The following FMNL2 variants were observed in gnomAD, a reference collection of about 807,000 sequenced individuals.
FMNL2 encodes formin-like protein 2.
A neutral mutation model predicts 130.2 loss-of-function variants in FMNL2; 51 were observed. The ratio of observed to expected loss-of-function variants is 0.39; its 90% confidence interval spans 0.31 to 0.49. The LOEUF is 0.49. FMNL2 is among the 20% of genes least tolerant of loss of function. The probability of loss-of-function intolerance (pLI) is 0.85; values close to 1 mark genes in which losing one functional copy is unlikely to be tolerated. For synonymous variants in FMNL2, 465 were observed against 467.1 expected, an observed-to-expected ratio of 1.00 and a Z score of 0.06; for missense variants, 977 against 1,316.2, an observed-to-expected ratio of 0.74 and a Z score of 3.99.
chr2:152,645,060 C>G (rs1334199574), intron 25 of FMNL2, among the ~76,000 whole-genome samples: 1 of 152,224 alleles, frequency 6.6e-6, no homozygotes, highest in Non-Finnish European at 1.5e-5. Flanking sequence ...GTATGTTCTT[C>G]TATCTCTGAT....
At chr2:152,623,404 G>A (rs1681504671) in intron 15 of FMNL2, among the ~76,000 whole-genome samples, 1 of 152,230 alleles carries the variant, frequency 6.6e-6, no homozygotes, top group Non-Finnish European at 1.5e-5. Context: ...ATCTGACACT[G>A]TGGCGTAGTG....
At chr2:152,446,739 G>A (rs1291449993) in intron 1 of FMNL2, among the ~76,000 whole-genome samples, 28 of 152,178 alleles carry the variant, frequency 1.8e-4, no homozygotes, top group Admixed American at 1.8e-3. Flanking sequence ...AGAATCTGCA[G>A]ATATGCAAAG....
chr2:152,363,561 TC>T (rs1298957510), intron 1 of FMNL2, among the ~76,000 whole-genome samples: 1 of 145,610 alleles, frequency 6.9e-6, no homozygotes, highest in African/African-American at 2.5e-5. Flanking sequence ...TTTTTTCTTT[TC>T]TTTTTTTTTT....
intron 1 of FMNL2, among the ~76,000 whole-genome samples, chr2:152,337,972 G>C (rs1310961239): frequency 6.6e-6 from 1 of 150,914 alleles, no homozygotes; most frequent in Non-Finnish European, 1.5e-5. Context: ...AAACCTTCCA[G>C]ATCATCTCCG....
intron 8 of FMNL2, 36 bp from the exon 9 acceptor site, chr2:152,580,920 C>T: frequency 1.3e-6 from 2 of 1,583,516 alleles, no homozygotes; most frequent in South Asian, 1.1e-5. Flanking sequence ...ATGCCATTTT[C>T]ACTGATTTGT....
At chr2:152,345,802 C>T (rs1662416763) in intron 1 of FMNL2, among the ~76,000 whole-genome samples, 1 of 152,154 alleles carries the variant, frequency 6.6e-6, no homozygotes, top group South Asian at 2.1e-4. Context: ...CTGGAGAAGC[C>T]ATTTAGAACT....
chr2:152,557,210 T>C (rs893300554), intron 4 of FMNL2, among the ~76,000 whole-genome samples: 3 of 152,170 alleles, frequency 2.0e-5, no homozygotes, highest in Non-Finnish European at 2.9e-5. Flanking sequence ...TGCTGTGAGA[T>C]TGTGTATGTG....
chr2:152,490,388 C>T (rs1012733576), intron 1 of FMNL2, among the ~76,000 whole-genome samples: 1 of 152,046 alleles, frequency 6.6e-6, no homozygotes, highest in Non-Finnish European at 1.5e-5. Flanking sequence ...GCATCATTCT[C>T]GGGCAGAGTC....
intron 1 of FMNL2, among the ~76,000 whole-genome samples, chr2:152,374,009 AAAG>A (rs1224037025): frequency 6.6e-6 from 1 of 152,162 alleles, no homozygotes; most frequent in East Asian, 1.9e-4. Flanking sequence ...GGGCAGAGGA[AAAG>A]AATATTTGAA....
chr2:152,390,064 C>T lies in FMNL2; in HGVS notation c.117+54344C>T, dbSNP rs1362433170. 2.5e-6 allele frequency: 4 copies of T among 1,575,448 alleles called. No homozygotes were observed. The East Asian group carries it at 9.0e-5, about 35-fold the overall frequency. ...CAGCTCAAGAACGGCAGCCTTGACT[C>T]CCCAGGAAAGCAGGAGAAGAAGGAG... On this transcript the variant is annotated intron_variant, in intron 1 of 25. Coordinates refer to ENST00000288670, the MANE Select transcript of FMNL2 (RefSeq NM_052905.4).
chr2:152,579,728 TA>T lies in FMNL2; in HGVS notation c.782+768del, dbSNP rs75923813. On this transcript the variant is annotated intron_variant, in intron 8 of 25. Transcript: ENST00000288670. ...ATAAAGAAAGAAAGAAATAGAAAAA[TA>T]AAATTGTATATGCAGATTTCCTTTC... 0.018 allele frequency among the ~76,000 whole-genome samples: 2,667 copies of T among 152,152 alleles called. 126 individuals carry two copies. The East Asian group carries it at 0.19, about 11-fold the overall frequency.
chr2:152,517,819 C>G (rs980931838), intron 1 of FMNL2, among the ~76,000 whole-genome samples: 3 of 152,140 alleles, frequency 2.0e-5, no homozygotes, highest in African/African-American at 2.4e-5. Flanking sequence ...TCTCAGATGC[C>G]TACAGTGCGG....
At chr2:152,519,051 A>G (rs181025313) in intron 1 of FMNL2, among the ~76,000 whole-genome samples, 1 of 151,802 alleles carries the variant, frequency 6.6e-6, no homozygotes, top group Non-Finnish European at 1.5e-5. Context: ...GACTTTTTTC[A>G]GCTCCTTAAA....
intron 1 of FMNL2, among the ~76,000 whole-genome samples, chr2:152,412,446 T>TTTA (rs1269957835): frequency 9.7e-6 from 1 of 103,254 alleles, no homozygotes; most frequent in Non-Finnish European, 1.8e-5. Context: ...TCTGTATATT[T>TTTA]TATATATATA....
intron 4 of FMNL2, among the ~76,000 whole-genome samples, chr2:152,555,930 A>C (rs1695179911): frequency 6.6e-6 from 1 of 152,236 alleles, no homozygotes. Flanking sequence ...TTGCATGATC[A>C]TTTACATAAA....
At chr2:152,589,667 C>G (rs1460206692) in intron 9 of FMNL2, among the ~76,000 whole-genome samples, 1 of 152,158 alleles carries the variant, frequency 6.6e-6, no homozygotes. Flanking sequence ...AAATCGGAGT[C>G]AAAACTATGA....
At position 152,549,224 on chromosome 2, in the gene FMNL2, A is replaced by G. The variant is rs1694808748; in HGVS notation, c.359+127A>G. The G allele has an allele frequency of 1.2e-5, 7 of 583,898 alleles. No individual in the cohort carries two copies. The South Asian group carries it at 2.3e-4, about 20-fold the overall frequency. 36.2% of individuals were successfully genotyped at this position (583,898 alleles called of 1,614,324 possible). On this transcript the variant is annotated intron_variant, in intron 4 of 25. Transcript: ENST00000288670. The stretch of plus-strand genomic sequence containing the variant: ...AATTAAAAGACTGAGGTTTTAGTAG[A>G]TGAAACCTTGTTAGTACTCAAATTA...
intron 1 of FMNL2, chr2:152,390,266 G>A: frequency 7.0e-7 from 1 of 1,424,878 alleles, no homozygotes; most frequent in Non-Finnish European, 9.9e-7. Flanking sequence ...ACCTCCGGGT[G>A]GGGCTCAAGG....
chr2:152,445,446 C>T (rs913867720), intron 1 of FMNL2, among the ~76,000 whole-genome samples: 8 of 152,150 alleles, frequency 5.3e-5, no homozygotes, highest in South Asian at 2.1e-4. Context: ...TAATCTGTGC[C>T]GAGTAACCAC....
Sources: gnomAD v4.1 joint callset for allele counts (sites outside exome capture counted in the v4.1 genomes callset) on GRCh38, gnomAD v4.1.1 for gene constraint, MANE v1.5 for transcripts, NCBI Gene and HGNC (gene_info 2026-07-23, HGNC 2026-07-21) for gene names.